Variants in AFF2 observed in about 807,000 individuals in gnomAD.
The protein encoded by AFF2 is AF4/FMR2 family member 2.
Under a neutral mutation model 76.9 loss-of-function variants are expected in AFF2, and 14 were observed. That is an observed-to-expected ratio of 0.18 (90% confidence interval 0.12 to 0.28). The LOEUF is 0.28. AFF2 is among the 10% of genes least tolerant of loss of function. The pLI, the probability that AFF2 is intolerant of heterozygous loss-of-function variation, is 1.00. For missense variants in AFF2, 868 were observed against 1,001.1 expected, an observed-to-expected ratio of 0.87 and a Z score of 1.79; for synonymous variants, 398 against 366.7, an observed-to-expected ratio of 1.09 and a Z score of -0.98.
chrX:148,670,929 C>G (rs1390834378), intron 3 of AFF2, among the ~76,000 whole-genome samples: 1 of 111,890 alleles, frequency 8.9e-6, no homozygotes, highest in African/African-American at 3.2e-5. Context: ...AGAGATAGCT[C>G]TCAAGGATGG....
At chrX:148,904,993 T>A (rs2124209116) in intron 9 of AFF2, among the ~76,000 whole-genome samples, 1 of 112,113 alleles carries the variant, frequency 8.9e-6, no homozygotes, top group East Asian at 2.8e-4. Context: ...TTTCTCTATT[T>A]GCTGGGCTAT....
chrX:148,746,313 T>C (rs190480525), intron 3 of AFF2, among the ~76,000 whole-genome samples: 2 of 109,417 alleles, frequency 1.8e-5, no homozygotes, highest in Admixed American at 9.5e-5. Flanking sequence ...TGCTATTTAG[T>C]TTTCTCCTAG....
chrX:148,556,725 G>C (rs1306845939), intron 1 of AFF2, among the ~76,000 whole-genome samples: 1 of 111,978 alleles, frequency 8.9e-6, no homozygotes, highest in Non-Finnish European at 1.9e-5. Context: ...AGTAAAACCT[G>C]GTTGACATTT....
intron 3 of AFF2, among the ~76,000 whole-genome samples, chrX:148,752,521 T>A (rs933149357): frequency 8.9e-6 from 1 of 111,985 alleles, no homozygotes; most frequent in African/African-American, 3.2e-5. Context: ...CCCAATTTTT[T>A]AAAAAATGAA....
At chrX:148,621,380 C>A (rs1199235480) in intron 1 of AFF2, among the ~76,000 whole-genome samples, 1 of 110,423 alleles carries the variant, frequency 9.1e-6, no homozygotes, top group Non-Finnish European at 1.9e-5. Context: ...TTTGTATAAA[C>A]CACACCCTTT....
At chrX:148,641,628 A>T (rs2124443733) in intron 1 of AFF2, among the ~76,000 whole-genome samples, 1 of 111,686 alleles carries the variant, frequency 9.0e-6, no homozygotes, top group Non-Finnish European at 1.9e-5. Flanking sequence ...TGGTAGTTTG[A>T]AGTAAAGGTG....
intron 1 of AFF2, among the ~76,000 whole-genome samples, chrX:148,579,671 T>G (rs1557244050): frequency 8.9e-6 from 1 of 111,745 alleles, no homozygotes. Flanking sequence ...AAAACTGGAC[T>G]AAATAAAATT....
At chrX:148,686,577 G>A (rs1557260365) in intron 3 of AFF2, among the ~76,000 whole-genome samples, 3 of 111,566 alleles carry the variant, frequency 2.7e-5, no homozygotes, top group East Asian at 2.8e-4. Context: ...AAGTGACTTC[G>A]CCTCTTTCAG....
intron 7 of AFF2, among the ~76,000 whole-genome samples, chrX:148,883,980 TACACAC>T (rs35575810): frequency 1.9e-5 from 2 of 104,024 alleles, no homozygotes; most frequent in Non-Finnish European, 2.0e-5. Flanking sequence ...TGTATTGAGA[TACACAC>T]ACACACACAC....
intron 1 of AFF2, among the ~76,000 whole-genome samples, chrX:148,647,900 G>A (rs2124451572): frequency 9.0e-6 from 1 of 111,428 alleles, no homozygotes; most frequent in East Asian, 2.8e-4. Flanking sequence ...GCCTGTGTGG[G>A]CTACCACTGT....
intron 1 of AFF2, among the ~76,000 whole-genome samples, chrX:148,639,102 G>T (rs2054062283): frequency 8.9e-6 from 1 of 112,010 alleles, no homozygotes; most frequent in Non-Finnish European, 1.9e-5. Flanking sequence ...GGGTCTCAGT[G>T]CCTTCATCTG....
chrX:148,704,521 T>A (rs1177627114), intron 3 of AFF2, among the ~76,000 whole-genome samples: 1 of 99,247 alleles, frequency 1.0e-5, no homozygotes, highest in Admixed American at 1.2e-4. Context: ...TATATTTTTA[T>A]ATATATATAT....
intron 2 of AFF2, among the ~76,000 whole-genome samples, chrX:148,655,462 G>A (rs781783186): frequency 6.3e-4 from 70 of 110,546 alleles, no homozygotes; most frequent in Non-Finnish European, 1.0e-3. Context: ...TCTTAGTAGA[G>A]ATGGGGTTTC....
chrX:148,748,726 C>A (rs1310240305), intron 3 of AFF2, among the ~76,000 whole-genome samples: 7 of 111,390 alleles, frequency 6.3e-5, no homozygotes, highest in African/African-American at 2.0e-4. Flanking sequence ...GCACTTGAGA[C>A]CCTATTTGGG....
At chrX:148,649,106 G>A (rs1415888985) in intron 1 of AFF2, among the ~76,000 whole-genome samples, 15 of 111,800 alleles carry the variant, frequency 1.3e-4, no homozygotes, top group African/African-American at 4.9e-4. Flanking sequence ...GTGTAAAGAT[G>A]TATCAAATTA....
At chrX:148,950,763 A>T (rs2124346024) in intron 9 of AFF2, among the ~76,000 whole-genome samples, 1 of 112,193 alleles carries the variant, frequency 8.9e-6, no homozygotes, top group South Asian at 3.7e-4. Context: ...TGTTTAAAAC[A>T]GTTTTAATTT....
chrX:148,787,758 A>AT (rs1485433492), intron 3 of AFF2, among the ~76,000 whole-genome samples: 1 of 112,060 alleles, frequency 8.9e-6, no homozygotes, highest in Admixed American at 9.5e-5. Flanking sequence ...ATAATCACTG[A>AT]TTTTTTCACA....
intron 7 of AFF2, among the ~76,000 whole-genome samples, chrX:148,852,549 C>T (rs2070743651): frequency 9.0e-6 from 1 of 110,729 alleles, no homozygotes. Flanking sequence ...AAGGGTCATT[C>T]TAGGTTTCTC....
At chrX:148,687,532 G>A (rs960847979) in intron 3 of AFF2, among the ~76,000 whole-genome samples, 6 of 111,308 alleles carry the variant, frequency 5.4e-5, no homozygotes, top group African/African-American at 1.6e-4. Context: ...GAGATTTAGA[G>A]TTTTCTACAT....
Sources: gnomAD v4.1 joint callset for allele counts (sites outside exome capture counted in the v4.1 genomes callset) on GRCh38, gnomAD v4.1.1 for gene constraint, MANE v1.5 for transcripts, NCBI Gene and HGNC (gene_info 2026-07-23, HGNC 2026-07-21) for gene names.